Variants in PARD6G observed in about 807,000 individuals in gnomAD.
The protein encoded by PARD6G is partitioning defective 6 homolog gamma.
PARD6G carries 7 observed loss-of-function variants against 10.7 expected under a neutral mutation model. The observed-to-expected ratio is 0.66, with a 90% CI of 0.37 to 1.23. The LOEUF (loss-of-function observed/expected upper bound fraction) is 1.23, where lower values mean the gene tolerates loss of function less well. Among genes scored for constraint, PARD6G ranks in the 50% most tolerant of loss-of-function variants. The probability of loss-of-function intolerance (pLI) is 0.02; values close to 1 mark genes in which losing one functional copy is unlikely to be tolerated. For missense variants in PARD6G, 548 were observed against 571.8 expected, an observed-to-expected ratio of 0.96 and a Z score of 0.42; for synonymous variants, 287 against 269.4, an observed-to-expected ratio of 1.07 and a Z score of -0.64.
intron 1 of PARD6G, among the ~76,000 whole-genome samples, chr18:80,222,450 C>T (rs1280271913): frequency 6.6e-6 from 1 of 152,126 alleles, no homozygotes; most frequent in South Asian, 2.1e-4. Context: ...TTCAATACAA[C>T]CCCATCAGAA....
At chr18:80,244,812 T>C (rs532477419) in intron 1 of PARD6G, among the ~76,000 whole-genome samples, 2 of 152,312 alleles carry the variant, frequency 1.3e-5, no homozygotes, top group East Asian at 1.9e-4. Flanking sequence ...TTTGCTGTTA[T>C]TTTGACAACA....
rs994558602 is a variant in PARD6G, at chr18:80,160,040, A to C, written c.862T>G (p.Phe288Val). The change falls in exon 3 of 3, where the codon TTC becomes GTC. Residue 288 changes from phenylalanine to valine, a missense_variant. By Grantham distance (50) the Phe-to-Val change is conservative. Transcript: ENST00000353265. The part of the protein sequence containing the change: ...GPPAPRVLQN[F>V]HPDEAESDED... ...TCGCTCTCCGCCTCGTCGGGGTGGA[A>C]GTTCTGCAGGACGCGCGGGGCGGGG... 2.3e-5 allele frequency: 35 copies of C among 1,542,108 alleles called. No individual in the cohort carries two copies. Among genetic ancestry groups the C allele is most frequent in the Non-Finnish European group, 3.0e-5 (35 of 1,150,374 alleles).
At chr18:80,171,604 C>T (rs1768833818) in intron 2 of PARD6G, 1 of 152,262 alleles carries the variant, frequency 6.6e-6, no homozygotes, top group Admixed American at 6.5e-5. Flanking sequence ...ACATTTCCAT[C>T]ACCCTAAAAG....
intron 2 of PARD6G, among the ~76,000 whole-genome samples, chr18:80,186,533 C>A (rs1167031856): frequency 6.6e-6 from 1 of 151,448 alleles, no homozygotes; most frequent in Non-Finnish European, 1.5e-5. Context: ...TGCATCCTCA[C>A]ACACGCGCAC....
chr18:80,184,693 C>G lies in PARD6G; in HGVS notation c.295+18017G>C, dbSNP rs2052864922. ...TGCTGAGTGACAGAAGCCAGGCACC[C>G]AGACCATGCACCGTATGATTCCTTT... is the stretch of plus-strand genomic sequence containing the variant. On this transcript the variant is annotated intron_variant, in intron 2 of 2. Transcript: ENST00000353265. This position sits in a 1 kb window ranked among gnomAD's most constrained non-coding sequence, Gnocchi z 4.5. The G allele has an allele frequency of 6.6e-6, 1 of 152,324 alleles. No individual in the cohort carries two copies. The highest frequency in any genetic ancestry group is 1.5e-5 in the Non-Finnish European group (1 of 68,104). The allele number at this position is 152,324 out of a possible 1,614,324, so 9.4% of individuals were successfully genotyped here. A position where few individuals can be genotyped will look rare whatever the true frequency, so the allele number is the denominator to read the frequency against.
At chr18:80,207,659 G>C (rs1266112134) in intron 1 of PARD6G, among the ~76,000 whole-genome samples, 1 of 152,076 alleles carries the variant, frequency 6.6e-6, no homozygotes, top group Non-Finnish European at 1.5e-5. Flanking sequence ...TACAGTTCAG[G>C]AGTGTACATT....
At chr18:80,212,721 T>G (rs12968557) in intron 1 of PARD6G, among the ~76,000 whole-genome samples, 30,944 of 150,610 alleles carry the variant, frequency 0.21, 3,371 homozygotes, top group Middle Eastern at 0.29. Flanking sequence ...CCATCTCTAC[T>G]AAAAAATACA....
chr18:80,216,768 G>A (rs938999398), intron 1 of PARD6G, among the ~76,000 whole-genome samples: 1 of 151,968 alleles, frequency 6.6e-6, no homozygotes, highest in Non-Finnish European at 1.5e-5. Flanking sequence ...TAGCGGTTAG[G>A]GTGGAAATAA....
chr18:80,235,374 T>C (rs1258426152), intron 1 of PARD6G, among the ~76,000 whole-genome samples: 1 of 151,414 alleles, frequency 6.6e-6, no homozygotes, highest in East Asian at 1.9e-4. Flanking sequence ...TAGAGGGAAA[T>C]TTATAGCACT....
In PARD6G at chr18:80,164,953, C is replaced by T. The variant is rs566967540; in HGVS notation, c.296-4347G>A. 2.0e-4 allele frequency among the ~76,000 whole-genome samples: 30 copies of T among 152,300 alleles called. 1 individual carries two copies. In the South Asian group the frequency reaches 5.6e-3, roughly 28 times the overall value. Reference sequence around the variant, plus strand: ...GAGGGAACAGGACAAAAGGAAAAAGCGGAACCACTGATAAGCATCCAACAA... The same window carrying T: ...GAGGGAACAGGACAAAAGGAAAAAGTGGAACCACTGATAAGCATCCAACAA... On this transcript the variant is annotated intron_variant, in intron 2 of 2. Coordinates refer to ENST00000353265, the MANE Select transcript of PARD6G (RefSeq NM_032510.4).
intron 2 of PARD6G, among the ~76,000 whole-genome samples, chr18:80,190,532 G>A (rs946916685): frequency 6.6e-6 from 1 of 152,194 alleles, no homozygotes; most frequent in Non-Finnish European, 1.5e-5. Context: ...TTCTCCACCT[G>A]TAAGTCCAGC....
chr18:80,177,540 GCA>G (rs377696506), intron 2 of PARD6G, among the ~76,000 whole-genome samples: 2 of 129,646 alleles, frequency 1.5e-5, no homozygotes, highest in South Asian at 2.5e-4. Flanking sequence ...ATGCACGCGG[GCA>G]CACACACACA....
rs562215343 is a variant in PARD6G at position 80,180,258 on chromosome 18, G to A, written c.296-19652C>T. Among the ~76,000 whole-genome samples, 3 of 152,354 alleles carry A rather than the reference G, an allele frequency of 2.0e-5. No individual in the cohort carries two copies. Among genetic ancestry groups the A allele is most frequent in the East Asian group, 1.9e-4 (1 of 5,188 alleles). The stretch of plus-strand genomic sequence containing the variant: ...CCAGGTGGCAGAGGGGACAAGGAGC[G>A]CCTGCTACCTGAGGCCTCTGCTTGG... On this transcript the variant is annotated intron_variant, in intron 2 of 2. Transcript: ENST00000353265. The surrounding 1 kb of genome is among the most constrained non-coding windows in gnomAD (Gnocchi z 5.6).
chr18:80,190,346 G>C lies in PARD6G; in HGVS notation c.295+12364C>G, dbSNP rs575629535. On this transcript the variant is annotated intron_variant, in intron 2 of 2. Coordinates refer to ENST00000353265, the MANE Select transcript of PARD6G (RefSeq NM_032510.4). ...GCTGAGGGCAAAGCCTCCTGGGATG[G>C]GCAAACTCTGGCAGGCCTGAGAGGG... 4.6e-5 allele frequency among the ~76,000 whole-genome samples: 7 copies of C among 152,296 alleles called. 1 individual carries two copies. Among genetic ancestry groups the C allele is most frequent in the Admixed American group, 4.6e-4 (7 of 15,304 alleles).
At chr18:80,163,448 CAG>C (rs33942860) in intron 2 of PARD6G, among the ~76,000 whole-genome samples, 64,911 of 151,878 alleles carry the variant, frequency 0.43, 15,162 homozygotes, top group African/African-American at 0.61. Context: ...CACTGACTCA[CAG>C]AGTTTGAGGT....
chr18:80,211,896 G>A (rs1967112297), intron 1 of PARD6G, among the ~76,000 whole-genome samples: 1 of 152,116 alleles, frequency 6.6e-6, no homozygotes, highest in African/African-American at 2.4e-5. Context: ...TTGGTGCCAG[G>A]GCCTTGAGGG....
At chr18:80,167,509 T>C (rs895430804) in intron 2 of PARD6G, among the ~76,000 whole-genome samples, 8 of 152,092 alleles carry the variant, frequency 5.3e-5, no homozygotes, top group Non-Finnish European at 1.0e-4. Flanking sequence ...AGGTCTTTTG[T>C]GTAACCCCCA....
intron 2 of PARD6G, among the ~76,000 whole-genome samples, chr18:80,174,656 A>G (rs1420435655): frequency 6.6e-6 from 1 of 152,148 alleles, no homozygotes; most frequent in Non-Finnish European, 1.5e-5. Context: ...TTGCCAAAGT[A>G]AAAAATGTTC....
rs1359190562 is a variant in PARD6G at position 80,189,381 on chromosome 18, C to T, written c.295+13329G>A. ...CTAACTCAACCAAGGGCCACTGCGC[C>T]ACCGCAGCTGTGGGACCGTATCTCT... On this transcript the variant is annotated intron_variant, in intron 2 of 2. Coordinates refer to ENST00000353265, the MANE Select transcript of PARD6G (RefSeq NM_032510.4). This position sits in a 1 kb window ranked among gnomAD's most constrained non-coding sequence, Gnocchi z 5.5. 6.6e-6 allele frequency: 1 copy of T among 152,274 alleles called. No individual in the cohort carries two copies. The highest frequency in any genetic ancestry group is 1.9e-4 in the East Asian group (1 of 5,196). The allele number at this position is 152,274 out of a possible 1,614,324, so 9.4% of individuals were successfully genotyped here.
Sources: allele counts gnomAD v4.1 joint callset (sites outside exome capture counted in the v4.1 genomes callset), GRCh38; gene constraint gnomAD v4.1.1; non-coding constraint Gnocchi (gnomAD v3.1); transcripts MANE v1.5; gene names NCBI Gene and HGNC (gene_info 2026-07-23, HGNC 2026-07-21).